PLCB4: variants seen among roughly 807,000 people sequenced by gnomAD.
The protein encoded by PLCB4 is 1-phosphatidylinositol 4,5-bisphosphate phosphodiesterase beta-4.
A neutral mutation model predicts 178.8 loss-of-function variants in PLCB4; 77 were observed. The ratio of observed to expected loss-of-function variants is 0.43; its 90% confidence interval spans 0.36 to 0.52. PLCB4 has a LOEUF of 0.52. Ranked by LOEUF, PLCB4 falls within the 20% of genes least tolerant of loss-of-function variation. The pLI is 0.00. For missense variants in PLCB4, 1,024 were observed against 1,453.4 expected (o/e 0.70, Z 4.80); for synonymous variants, 496 against 490.8 (o/e 1.01, Z -0.14).
At chr20:9,311,561 C>CTTTTAT in intron 4 of PLCB4, among the ~76,000 whole-genome samples, 1 of 152,150 alleles carries the variant, frequency 6.6e-6, no homozygotes, top group East Asian at 1.9e-4. Context: ...ATTTTAATCA[C>CTTTTAT]ACTCAGAGTC....
At chr20:9,079,051 G>A (rs2090018617) in intron 1 of PLCB4, among the ~76,000 whole-genome samples, 1 of 152,128 alleles carries the variant, frequency 6.6e-6, no homozygotes, top group South Asian at 2.1e-4. Context: ...AATATGGTGG[G>A]ACAGTCATAT....
intron 2 of PLCB4, among the ~76,000 whole-genome samples, chr20:9,149,960 A>T (rs1438862136): frequency 6.6e-6 from 1 of 152,184 alleles, no homozygotes; most frequent in Admixed American, 6.5e-5. Context: ...TTGGGCGCTT[A>T]TTCACTGATG....
chr20:9,419,891 A>G lies in PLCB4; in HGVS notation c.2136A>G (p.Ala712=), dbSNP rs1461589133. The G allele has an allele frequency of 1.2e-6, 2 of 1,611,998 alleles. No individual in the cohort carries two copies. Among genetic ancestry groups the G allele is most frequent in the African/African-American group, 2.7e-5 (2 of 74,882 alleles). ...FSETPVDGVI[A]ATCSVQVISG... is the part of the protein sequence containing the mutation. ...AAACTCCTGTTGATGGTGTTATTGC[A>G]GCCACTTGCTCAGTGCAGGTAAGGC... Residue 712 remains alanine (A), a synonymous_variant, in exon 26 of 40, where the codon GCA becomes GCG. Coordinates refer to ENST00000378473, the MANE Select transcript of PLCB4 (RefSeq NM_001377142.1).
intron 39 of PLCB4, among the ~76,000 whole-genome samples, chr20:9,478,671 T>C (rs1274509629): frequency 1.3e-5 from 2 of 152,188 alleles, no homozygotes; most frequent in Admixed American, 6.5e-5. Flanking sequence ...ATTTAATGTG[T>C]ATAAAAACTT....
rs76030335 is a variant in PLCB4, at chr20:9,372,646, A to G, written c.686+243A>G. Among the ~76,000 whole-genome samples the G allele has an allele frequency of 7.9e-5, 12 of 152,238 alleles. No homozygotes were observed. In the East Asian group the frequency reaches 1.9e-3, roughly 25 times the overall value. On this transcript the variant is annotated intron_variant, in intron 11 of 39. Transcript: ENST00000378473. ...TTTGCATTGGCTTTACTAACTACCT[A>G]CAATTTTAACCTGCTCCTTTAGGTA...
At chr20:9,249,808 T>G (rs2094161551) in intron 3 of PLCB4, among the ~76,000 whole-genome samples, 2 of 152,152 alleles carry the variant, frequency 1.3e-5, no homozygotes, top group African/African-American at 4.8e-5. Context: ...ATGCTTTATC[T>G]CTCCTTTATA....
At chr20:9,143,828 T>G (rs942495817) in intron 2 of PLCB4, among the ~76,000 whole-genome samples, 7 of 152,134 alleles carry the variant, frequency 4.6e-5, no homozygotes, top group African/African-American at 1.7e-4. Flanking sequence ...TTGTGCTTTG[T>G]GGGAATCCTG....
intron 3 of PLCB4, among the ~76,000 whole-genome samples, chr20:9,255,105 C>T (rs1196476620): frequency 2.0e-5 from 3 of 152,104 alleles, no homozygotes; most frequent in African/African-American, 4.8e-5. Context: ...TTATCCAATA[C>T]TATAGATAAG....
chr20:9,343,249 G>A (rs552034957), intron 7 of PLCB4, among the ~76,000 whole-genome samples: 2 of 151,998 alleles, frequency 1.3e-5, no homozygotes, highest in Admixed American at 6.6e-5. Context: ...TGACCATTTG[G>A]AATAATTCAC....
chr20:9,451,338 G>A (rs1300433692), intron 32 of PLCB4, among the ~76,000 whole-genome samples: 4 of 152,088 alleles, frequency 2.6e-5, no homozygotes, highest in African/African-American at 9.7e-5. Context: ...GTCCTGTTCT[G>A]CACTAAAATA....
chr20:9,106,137 A>G (rs1285424456), intron 2 of PLCB4, among the ~76,000 whole-genome samples: 1 of 152,032 alleles, frequency 6.6e-6, no homozygotes, highest in Non-Finnish European at 1.5e-5. Context: ...AACATTTAAT[A>G]AAGTTGTGGA....
intron 4 of PLCB4, among the ~76,000 whole-genome samples, chr20:9,329,749 T>C (rs1260362281): frequency 6.6e-6 from 1 of 152,228 alleles, no homozygotes; most frequent in Non-Finnish European, 1.5e-5. Flanking sequence ...GGGTCTGTGA[T>C]GGAGCAGCTA....
At chr20:9,410,566 A>G (rs1310479363) in intron 24 of PLCB4, among the ~76,000 whole-genome samples, 1 of 152,172 alleles carries the variant, frequency 6.6e-6, no homozygotes, top group Non-Finnish European at 1.5e-5. Context: ...ACCCCACTAG[A>G]GTAATTCCCC....
intron 3 of PLCB4, among the ~76,000 whole-genome samples, chr20:9,229,315 G>A (rs535555775): frequency 2.1e-4 from 32 of 152,118 alleles, no homozygotes; most frequent in Non-Finnish European, 3.8e-4. Flanking sequence ...CAGTGGATGT[G>A]TGCTTTCAGA....
At chr20:9,305,855 T>TCAGC (rs1341455898) in intron 3 of PLCB4, among the ~76,000 whole-genome samples, 1 of 151,904 alleles carries the variant, frequency 6.6e-6, no homozygotes, top group Non-Finnish European at 1.5e-5. Context: ...CTGATATCAG[T>TCAGC]CTCATCGTCA....
chr20:9,161,020 A>G (rs2092879673), intron 2 of PLCB4, among the ~76,000 whole-genome samples: 1 of 152,174 alleles, frequency 6.6e-6, no homozygotes, highest in Non-Finnish European at 1.5e-5. Context: ...TCAAGCAGCA[A>G]GGCAGCTGAC....
intron 1 of PLCB4, among the ~76,000 whole-genome samples, chr20:9,095,816 G>T (rs1374546614): frequency 2.6e-5 from 4 of 152,042 alleles, no homozygotes; most frequent in Admixed American, 6.6e-5. Context: ...ATAGAAAGAG[G>T]TAGCAGCTCA....
intron 3 of PLCB4, among the ~76,000 whole-genome samples, chr20:9,233,591 C>G (rs531703565): frequency 6.6e-6 from 1 of 152,214 alleles, no homozygotes; most frequent in South Asian, 2.1e-4. Context: ...AATGTTTGAG[C>G]TTAGATCCAA....
At chr20:9,176,257 A>G (rs1488331410) in intron 2 of PLCB4, among the ~76,000 whole-genome samples, 2 of 152,168 alleles carry the variant, frequency 1.3e-5, no homozygotes, top group Non-Finnish European at 2.9e-5. Flanking sequence ...GTTGATGGGC[A>G]TGTGTATATT....
Sources: gnomAD v4.1 joint callset for allele counts (sites outside exome capture counted in the v4.1 genomes callset) on GRCh38, gnomAD v4.1.1 for gene constraint, MANE v1.5 for transcripts, NCBI Gene and HGNC (gene_info 2026-07-23, HGNC 2026-07-21) for gene names.